The following NCF4 variants were observed in gnomAD, a reference collection of about 807,000 sequenced individuals.
NCF4 encodes the protein neutrophil cytosol factor 4.
NCF4 carries 30 observed loss-of-function variants against 41.7 expected under a neutral mutation model. The observed-to-expected ratio is 0.72, with a 90% CI of 0.54 to 0.97. The LOEUF (loss-of-function observed/expected upper bound fraction) is 0.97. Ranked by LOEUF, NCF4 falls within the 50% of genes least tolerant of loss-of-function variation. The probability of loss-of-function intolerance (pLI) is 0.00; values close to 1 mark genes in which losing one functional copy is unlikely to be tolerated. For synonymous variants in NCF4, 195 were observed against 175.8 expected (o/e 1.11, Z -0.87); for missense variants, 432 against 460.9 (o/e 0.94, Z 0.57).
At chr22:36,867,647 G>A (rs1391978106) in intron 4 of NCF4, among the ~76,000 whole-genome samples, 185 bp downstream of exon 4, 1 of 152,200 alleles carries the variant, frequency 6.6e-6, no homozygotes, top group Non-Finnish European at 1.5e-5. Flanking sequence ...GGGTTCCAGA[G>A]ATAGGAGCAG....
At chr22:36,868,793 G>A (rs1032469788) in intron 4 of NCF4, among the ~76,000 whole-genome samples, 10 of 152,278 alleles carry the variant, frequency 6.6e-5, no homozygotes, top group African/African-American at 2.2e-4. Context: ...GTCCAATTGG[G>A]TTCCTGGAAG....
intron 4 of NCF4, among the ~76,000 whole-genome samples, chr22:36,867,694 T>C (rs1224387141): frequency 6.6e-6 from 1 of 152,200 alleles, no homozygotes; most frequent in Non-Finnish European, 1.5e-5. Flanking sequence ...CACTAGGAAT[T>C]GACAAGTCTT....
At position 36,865,194 on chromosome 22, in the gene NCF4, C is replaced by A. The variant is rs947180392; in HGVS notation, c.271+122C>A. 9 of 1,415,160 alleles carry A rather than the reference C, an allele frequency of 6.4e-6. No homozygotes were observed. In the African/African-American group the frequency reaches 9.9e-5, roughly 16 times the overall value. The allele number at this position is 1,415,160 out of a possible 1,614,324, so 87.7% of individuals were successfully genotyped here. On this transcript the variant is annotated intron_variant, in intron 3 of 9. Coordinates refer to ENST00000248899, the MANE Select transcript of NCF4 (RefSeq NM_000631.5). The surrounding 1 kb of genome is among the most constrained non-coding windows in gnomAD (Gnocchi z 4.3). ...GAAAACTGTTCATGTAGTTTATAGCCCCCACTCCCGGCAGTTACAGGCTGC... is the reference window on the plus strand; with the variant it reads ...GAAAACTGTTCATGTAGTTTATAGCACCCACTCCCGGCAGTTACAGGCTGC...
Position 36,864,844 on chromosome 22 carries a change from C to CT in NCF4, c.118-75_118-74insT, listed in dbSNP as rs1939884812. On this transcript the variant is annotated intron_variant, in intron 2 of 9. Coordinates refer to ENST00000248899, the MANE Select transcript of NCF4 (RefSeq NM_000631.5). Reference sequence around the variant, plus strand: ...CATCATCTTCCTCCTCCTCCTCCTCCCCTTTTCCCTTCCACCTCTTTTTGG... The same window carrying CT: ...CATCATCTTCCTCCTCCTCCTCCTCCTCCTTTTCCCTTCCACCTCTTTTTGG... The CT allele has an allele frequency of 3.8e-6, 6 of 1,572,244 alleles. No individual in the cohort carries two copies. In the African/African-American group the frequency reaches 5.4e-5, roughly 14 times the overall value.
chr22:36,870,344 G>A (rs763776137), intron 4 of NCF4, 71 bp from the exon 5 acceptor site: 60 of 1,606,820 alleles, frequency 3.7e-5, no homozygotes, highest in Non-Finnish European at 4.9e-5. Flanking sequence ...CTCGGGGACG[G>A]GACATCTAGG....
chr22:36,877,578 C>T (rs751604419), intron 9 of NCF4, 50 bp from the exon 10 acceptor site: 8 of 1,601,138 alleles, frequency 5.0e-6, no homozygotes, highest in Non-Finnish European at 6.8e-6. Flanking sequence ...CTCTCCCTAC[C>T]CCTACCTTAC....
At chr22:36,868,420 T>C (rs1247772971) in intron 4 of NCF4, among the ~76,000 whole-genome samples, 5 of 152,212 alleles carry the variant, frequency 3.3e-5, no homozygotes, top group African/African-American at 1.2e-4. Flanking sequence ...GATGAGAAAG[T>C]GCTTTGTAAA....
At chr22:36,871,229 A>G (rs1011259767) in intron 5 of NCF4, among the ~76,000 whole-genome samples, 14 of 152,208 alleles carry the variant, frequency 9.2e-5, no homozygotes, top group Admixed American at 4.6e-4. Flanking sequence ...CAGCTGTGCC[A>G]TGTGGCAGCC....
rs1396239180 is a variant in NCF4, at chr22:36,865,813, G to T, written c.271+741G>T. The stretch of plus-strand genomic sequence containing the variant: ...CAAGCTCCAACCCCATCTCCAGTTT[G>T]TTTTTTCTGTCTCTGTTTCTGTCTC... On this transcript the variant is annotated intron_variant, in intron 3 of 9. Coordinates refer to ENST00000248899, the MANE Select transcript of NCF4 (RefSeq NM_000631.5). This position sits in a 1 kb window ranked among gnomAD's most constrained non-coding sequence, Gnocchi z 4.3. 6.6e-6 allele frequency among the ~76,000 whole-genome samples: 1 copy of T among 152,086 alleles called. No individual in the cohort carries two copies. Among genetic ancestry groups the T allele is most frequent in the African/African-American group, 2.4e-5 (1 of 41,408 alleles).
chr22:36,868,524 A>T (rs1358429942), intron 4 of NCF4, among the ~76,000 whole-genome samples: 2 of 151,926 alleles, frequency 1.3e-5, no homozygotes, highest in African/African-American at 4.8e-5. Context: ...AGGAGGAGAG[A>T]GCAGGTAGCT....
At chr22:36,873,878 T>C (rs1940136950) in intron 7 of NCF4, among the ~76,000 whole-genome samples, 1 of 152,142 alleles carries the variant, frequency 6.6e-6, no homozygotes, top group Non-Finnish European at 1.5e-5. Context: ...TTGTGTAATA[T>C]GGGACAACAG....
intron 5 of NCF4, 73 bp downstream of exon 5, chr22:36,870,615 T>G: frequency 1.9e-6 from 3 of 1,559,160 alleles, no homozygotes; most frequent in Non-Finnish European, 2.6e-6. Context: ...CTCTTTTCCC[T>G]GAAAGGAGAG....
At chr22:36,867,110 C>T (rs968474281) in intron 3 of NCF4, among the ~76,000 whole-genome samples, 27 of 143,874 alleles carry the variant, frequency 1.9e-4, no homozygotes, top group South Asian at 4.7e-4. Flanking sequence ...AACTAAGAGT[C>T]GTGTGTGTGT....
At chr22:36,864,177 C>T (rs1939863342) in intron 2 of NCF4, 48 bp downstream of exon 2, 1 of 1,478,800 alleles carries the variant, frequency 6.8e-7, no homozygotes, top group South Asian at 1.1e-5. Flanking sequence ...GAACTTCCAC[C>T]CAGCTGACCT....
At chr22:36,868,460 T>A (rs1271707736) in intron 4 of NCF4, among the ~76,000 whole-genome samples, 1 of 152,098 alleles carries the variant, frequency 6.6e-6, no homozygotes, top group African/African-American at 2.4e-5. Context: ...ATGTGAGAGA[T>A]CTTGACTCCT....
intron 3 of NCF4, among the ~76,000 whole-genome samples, chr22:36,866,854 G>A (rs1308251335): frequency 6.6e-6 from 1 of 152,092 alleles, no homozygotes; most frequent in Non-Finnish European, 1.5e-5. Flanking sequence ...TCATTCATCT[G>A]GGCATGATTC....
chr22:36,871,735 G>T, intron 6 of NCF4, 26 bp downstream of exon 6: 1 of 1,552,242 alleles, frequency 6.4e-7, no homozygotes, highest in Non-Finnish European at 8.7e-7. Context: ...ACGCTGGCCA[G>T]GCTCTCACAC....
At chr22:36,870,077 C>T (rs143910320) in intron 4 of NCF4, 15 of 380,002 alleles carry the variant, frequency 3.9e-5, no homozygotes, top group Admixed American at 2.6e-4. Context: ...AGCAAGGGCG[C>T]GCATGTGATA....
chr22:36,870,391 G>A (rs375530433), intron 4 of NCF4, 24 bp from the exon 5 acceptor site: 37 of 1,613,474 alleles, frequency 2.3e-5, no homozygotes, highest in African/African-American at 8.0e-5. Flanking sequence ...CTACCCCACC[G>A]GTTCTGCTGT....
Sources: allele counts gnomAD v4.1 joint callset (sites outside exome capture counted in the v4.1 genomes callset), GRCh38; gene constraint gnomAD v4.1.1; non-coding constraint Gnocchi (gnomAD v3.1); transcripts MANE v1.5; gene names NCBI Gene and HGNC (gene_info 2026-07-23, HGNC 2026-07-21).